The following CNTN4 variants were observed in gnomAD, a reference collection of about 807,000 sequenced individuals.
CNTN4 encodes the protein contactin 4.
Under a neutral mutation model 122.5 loss-of-function variants are expected in CNTN4, and 77 were observed. That is an observed-to-expected ratio of 0.63 (90% CI 0.52 to 0.76). The LOEUF (loss-of-function observed/expected upper bound fraction) is 0.76. Ranked by LOEUF, CNTN4 falls within the 30% of genes least tolerant of loss-of-function variation. CNTN4 has a pLI of 0.00. For missense variants in CNTN4, 1,256 were observed against 1,259.1 expected, an observed-to-expected ratio of 1.00 and a Z score of 0.04; for synonymous variants, 512 against 447.0, an observed-to-expected ratio of 1.15 and a Z score of -1.83.
intron 4 of CNTN4, among the ~76,000 whole-genome samples, chr3:2,705,217 A>C (rs1272480158): frequency 6.7e-6 from 1 of 150,362 alleles, no homozygotes; most frequent in African/African-American, 2.4e-5. Context: ...AACTACAAAA[A>C]ATTAGCTGGG....
intron 12 of CNTN4, among the ~76,000 whole-genome samples, chr3:2,908,981 C>T (rs1042159398): frequency 2.6e-5 from 4 of 152,186 alleles, no homozygotes; most frequent in African/African-American, 7.2e-5. Flanking sequence ...AAGTGAGGTG[C>T]AACCTTGAGC....
intron 3 of CNTN4, among the ~76,000 whole-genome samples, chr3:2,398,033 T>C (rs2046703766): frequency 6.6e-6 from 1 of 152,194 alleles, no homozygotes; most frequent in Admixed American, 6.5e-5. Context: ...TGTTTCTATA[T>C]AGTCAGTTTT....
At chr3:2,609,341 G>A (rs1372951349) in intron 4 of CNTN4, among the ~76,000 whole-genome samples, 6 of 152,172 alleles carry the variant, frequency 3.9e-5, no homozygotes, top group African/African-American at 1.4e-4. Flanking sequence ...CGGTATTCAA[G>A]GTGCCACCTT....
intron 4 of CNTN4, among the ~76,000 whole-genome samples, chr3:2,639,864 T>G (rs1206878206): frequency 6.6e-6 from 1 of 152,184 alleles, no homozygotes; most frequent in Non-Finnish European, 1.5e-5. Flanking sequence ...AATTGACTGG[T>G]TGTTTGGACA....
intron 2 of CNTN4, among the ~76,000 whole-genome samples, chr3:2,257,783 G>T (rs992812205): frequency 6.6e-6 from 1 of 152,022 alleles, no homozygotes; most frequent in Non-Finnish European, 1.5e-5. Context: ...TAGGAAATAG[G>T]CCGTGCATGG....
intron 4 of CNTN4, among the ~76,000 whole-genome samples, chr3:2,657,484 G>A (rs2083645701): frequency 1.3e-5 from 2 of 152,166 alleles, no homozygotes; most frequent in East Asian, 1.9e-4. Context: ...TTTAAGATTA[G>A]TATTTATTTT....
At chr3:2,167,178 A>G (rs1406515720) in intron 2 of CNTN4, among the ~76,000 whole-genome samples, 1 of 152,172 alleles carries the variant, frequency 6.6e-6, no homozygotes, top group Non-Finnish European at 1.5e-5. Context: ...ATGCTGTTTA[A>G]AAGAAGACTT....
chr3:2,334,416 T>C (rs1178538), intron 2 of CNTN4, among the ~76,000 whole-genome samples: 102,743 of 152,030 alleles, frequency 0.68, 35,369 homozygotes, highest in East Asian at 0.94. Context: ...CCTTCGGCCT[T>C]CCAAATTGCT....
intron 3 of CNTN4, among the ~76,000 whole-genome samples, chr3:2,382,012 C>G (rs1226549576): frequency 6.6e-6 from 1 of 152,058 alleles, no homozygotes; most frequent in East Asian, 1.9e-4. Flanking sequence ...TTCATTCACA[C>G]ACAAAAAATA....
At chr3:2,766,497 G>T (rs2090866028) in intron 6 of CNTN4, among the ~76,000 whole-genome samples, 1 of 152,202 alleles carries the variant, frequency 6.6e-6, no homozygotes, top group Admixed American at 6.5e-5. Context: ...CTCAGGAATG[G>T]AAAACCAAAC....
chr3:2,831,291 A>G (rs1313125694), intron 7 of CNTN4, among the ~76,000 whole-genome samples: 3 of 152,210 alleles, frequency 2.0e-5, no homozygotes, highest in Admixed American at 6.5e-5. Context: ...ATGACAAACA[A>G]TATGGATAAA....
At chr3:2,594,088 C>G (rs1419482581) in intron 4 of CNTN4, among the ~76,000 whole-genome samples, 1 of 152,106 alleles carries the variant, frequency 6.6e-6, no homozygotes, top group Non-Finnish European at 1.5e-5. Context: ...GGCGTATATT[C>G]AAGATACGTT....
chr3:2,168,009 G>A (rs201564345), intron 2 of CNTN4, among the ~76,000 whole-genome samples: 1 of 152,150 alleles, frequency 6.6e-6, no homozygotes, highest in East Asian at 1.9e-4. Flanking sequence ...GCATGGTGTT[G>A]TGTGCCTATG....
chr3:2,755,770 G>T (rs138013702), intron 6 of CNTN4, among the ~76,000 whole-genome samples: 1 of 152,170 alleles, frequency 6.6e-6, no homozygotes, highest in Admixed American at 6.5e-5. Flanking sequence ...CTGAGAGTAT[G>T]ATATATATAT....
chr3:2,803,366 T>G (rs1354721706), intron 6 of CNTN4, among the ~76,000 whole-genome samples: 3 of 152,188 alleles, frequency 2.0e-5, no homozygotes, highest in Non-Finnish European at 4.4e-5. Context: ...TGTAAATATC[T>G]TGTGAACTTA....
chr3:2,709,783 G>A lies in CNTN4; in HGVS notation c.56-26432G>A, dbSNP rs937546170. On this transcript the variant is annotated intron_variant, in intron 4 of 24. Coordinates refer to ENST00000418658, the MANE Select transcript of CNTN4 (RefSeq NM_175607.3). The surrounding 1 kb of genome is among the most constrained non-coding windows in gnomAD (Gnocchi z 5.0). ...ACAAAAATTAGCCAGGCGTGGTGGTGCACACCTGTAGTCCCAGCTACTTGG... is the reference window on the plus strand; with the variant it reads ...ACAAAAATTAGCCAGGCGTGGTGGTACACACCTGTAGTCCCAGCTACTTGG... Among the ~76,000 whole-genome samples the A allele has an allele frequency of 1.3e-5, 2 of 151,864 alleles. No individual in the cohort carries two copies. The highest frequency in any genetic ancestry group is 2.9e-5 in the Non-Finnish European group (2 of 67,956).
At chr3:2,824,558 TA>T (rs1461445807) in intron 7 of CNTN4, among the ~76,000 whole-genome samples, 1 of 152,218 alleles carries the variant, frequency 6.6e-6, no homozygotes, top group Non-Finnish European at 1.5e-5. Flanking sequence ...TCTACAGAAC[TA>T]GCCCAGGTCC....
chr3:2,446,927 C>G (rs2048646076), intron 3 of CNTN4, among the ~76,000 whole-genome samples: 1 of 152,090 alleles, frequency 6.6e-6, no homozygotes, highest in Non-Finnish European at 1.5e-5. Flanking sequence ...TTGTGAGGAT[C>G]ATATACTAGT....
chr3:2,864,475 ACACCTGTAATCCCAG>A lies in CNTN4; in HGVS notation c.455-2273_455-2259del, dbSNP rs371357501. ...ATTTCCTAGCCAGGCGCGGTGGCTC[ACACCTGTAATCCCAG>A]CACTTTGTGGGGCCGAGGAGGGCAG... On this transcript the variant is annotated intron_variant, in intron 7 of 24. Coordinates refer to ENST00000418658, the MANE Select transcript of CNTN4 (RefSeq NM_175607.3). Among the ~76,000 whole-genome samples the A allele has an allele frequency of 1.3e-4, 20 of 152,172 alleles. 1 individual carries two copies. Among genetic ancestry groups the A allele is most frequent in the African/African-American group, 4.8e-4 (20 of 41,512 alleles).
Sources: gnomAD v4.1 joint callset for allele counts (sites outside exome capture counted in the v4.1 genomes callset) on GRCh38, gnomAD v4.1.1 for gene constraint, Gnocchi (gnomAD v3.1) non-coding constraint, MANE v1.5 for transcripts, NCBI Gene and HGNC (gene_info 2026-07-23, HGNC 2026-07-21) for gene names.